The following CELF2 variants were observed in gnomAD, a reference collection of about 807,000 sequenced individuals.
CELF2 encodes the protein CUG triplet repeat RNA-binding protein 2.
Under a neutral mutation model 62.6 loss-of-function variants are expected in CELF2, and 8 were observed. The observed-to-expected ratio is 0.13, with a 90% CI of 0.07 to 0.23. CELF2 has a LOEUF of 0.23. Among genes scored for constraint, CELF2 ranks in the 10% least tolerant of loss-of-function variants. CELF2 has a pLI of 1.00. For synonymous variants in CELF2, 258 were observed against 250.0 expected, an observed-to-expected ratio of 1.03 and a Z score of -0.30; for missense variants, 333 against 671.0, an observed-to-expected ratio of 0.50 and a Z score of 5.56.
At chr10:11,066,001 C>G (rs780333599) in intron 1 of CELF2, among the ~76,000 whole-genome samples, 3 of 152,168 alleles carry the variant, frequency 2.0e-5, no homozygotes, top group Non-Finnish European at 4.4e-5. Context: ...GTGCCCCATA[C>G]AGCAGGAATG....
At chr10:10,773,055 G>C in the CELF2 span, among the ~76,000 whole-genome samples, 6 of 152,148 alleles carry the variant, frequency 3.9e-5, no homozygotes, top group East Asian at 1.2e-3. Context: ...AATTTAAACT[G>C]CCTGACATGC....
chr10:11,198,986 A>AT (rs1436548773), intron 2 of CELF2, among the ~76,000 whole-genome samples: 3 of 152,214 alleles, frequency 2.0e-5, no homozygotes, highest in Admixed American at 6.5e-5. Flanking sequence ...AATGGATTTT[A>AT]TTGCAGGGCA....
At chr10:11,065,813 A>G (rs574817909) in intron 1 of CELF2, among the ~76,000 whole-genome samples, 253 of 152,276 alleles carry the variant, frequency 1.7e-3, no homozygotes, top group African/African-American at 5.6e-3. Flanking sequence ...GAGCAGGGCA[A>G]GGAGAACTAG....
At chr10:10,648,724 T>C in the CELF2 span, among the ~76,000 whole-genome samples, 1 of 152,332 alleles carries the variant, frequency 6.6e-6, no homozygotes, top group African/African-American at 2.4e-5. Flanking sequence ...TTTGGTAATT[T>C]TGTTTCTTAA....
the CELF2 span, among the ~76,000 whole-genome samples, chr10:10,530,596 A>G: frequency 6.6e-6 from 1 of 152,184 alleles, no homozygotes; most frequent in Non-Finnish European, 1.5e-5. Flanking sequence ...ACAAATATAC[A>G]CATACAATCC....
chr10:11,294,646 C>T (rs1017826759), intron 9 of CELF2, among the ~76,000 whole-genome samples: 6 of 152,246 alleles, frequency 3.9e-5, no homozygotes, highest in Non-Finnish European at 8.8e-5. Flanking sequence ...GGCGCAGTGG[C>T]TCACGCCTGT....
chr10:10,827,044 A>G (rs947199412), intron 1 of CELF2, among the ~76,000 whole-genome samples: 9 of 152,214 alleles, frequency 5.9e-5, no homozygotes, highest in African/African-American at 2.2e-4. Context: ...GAATTAATCA[A>G]GTAGGACTAA....
At chr10:11,072,468 G>T (rs1005414159) in intron 1 of CELF2, among the ~76,000 whole-genome samples, 3 of 152,204 alleles carry the variant, frequency 2.0e-5, no homozygotes, top group African/African-American at 7.2e-5. Flanking sequence ...TCTACAGTCA[G>T]TGCTCACTTT....
At chr10:10,814,192 G>A (rs1350407820) in intron 1 of CELF2, among the ~76,000 whole-genome samples, 1 of 99,320 alleles carries the variant, frequency 1.0e-5, no homozygotes, top group Non-Finnish European at 1.9e-5. Flanking sequence ...ACAAGAGAAG[G>A]AAGAAAGGGA....
At chr10:11,251,515 C>T (rs919932435) in intron 4 of CELF2, among the ~76,000 whole-genome samples, 1 of 151,896 alleles carries the variant, frequency 6.6e-6, no homozygotes, top group Non-Finnish European at 1.5e-5. Flanking sequence ...GACCGGGCAC[C>T]GTTATTTCTA....
chr10:11,236,589 T>C (rs1001647992), intron 3 of CELF2, among the ~76,000 whole-genome samples: 1 of 152,228 alleles, frequency 6.6e-6, no homozygotes, highest in Non-Finnish European at 1.5e-5. Flanking sequence ...AAGTGGAACT[T>C]CTTGGACCTT....
the CELF2 span, among the ~76,000 whole-genome samples, chr10:10,530,668 T>C: frequency 1.3e-5 from 2 of 152,230 alleles, no homozygotes; most frequent in East Asian, 3.8e-4. Flanking sequence ...GCGGAAATTA[T>C]TCTGAGTTAA....
chr10:11,119,871 C>CT (rs902198430), intron 1 of CELF2, among the ~76,000 whole-genome samples: 1 of 135,018 alleles, frequency 7.4e-6, no homozygotes, highest in Non-Finnish European at 1.7e-5. Flanking sequence ...GCCTCCCCCC[C>CT]CCCGGCCCCC....
chr10:11,224,621 A>T lies in CELF2; in HGVS notation c.354+7114A>T, dbSNP rs543379868. The stretch of plus-strand genomic sequence containing the variant: ...CAAATGATGAAAGGAGAAGTTTGAT[A>T]TACACCTAGAAAATTGTCCAAATTC... On this transcript the variant is annotated intron_variant, in intron 3 of 12. Coordinates refer to ENST00000633077, the MANE Select transcript of CELF2 (RefSeq NM_001326342.2). This position sits in a 1 kb window ranked among gnomAD's most constrained non-coding sequence, Gnocchi z 4.5. 2.0e-5 allele frequency among the ~76,000 whole-genome samples: 3 copies of T among 152,202 alleles called. No homozygotes were observed. Among genetic ancestry groups the T allele is most frequent in the African/African-American group, 7.2e-5 (3 of 41,442 alleles).
At chr10:11,326,415 G>A (rs954243070) in intron 12 of CELF2, among the ~76,000 whole-genome samples, 6 of 152,198 alleles carry the variant, frequency 3.9e-5, no homozygotes, top group Admixed American at 3.3e-4. Context: ...GCAGCTCCAC[G>A]TGCCCGGGAT....
rs1296386037 is a variant in CELF2, at chr10:11,273,214, C to G, written c.778-1843C>G. Among the ~76,000 whole-genome samples the G allele has an allele frequency of 2.0e-5, 3 of 152,044 alleles. No individual in the cohort carries two copies. The East Asian group carries it at 5.8e-4, about 29-fold the overall frequency. On this transcript the variant is annotated intron_variant, in intron 7 of 12. Coordinates refer to ENST00000633077, the MANE Select transcript of CELF2 (RefSeq NM_001326342.2). ...TTTCAGTCAGCCAAGGGTCCCCAAC[C>G]CCTGGGCTGGGTACCAGTACCGGTC... is the stretch of plus-strand genomic sequence containing the variant.
At chr10:10,944,620 GTGA>G (rs1328078339) in intron 2 of CELF2, among the ~76,000 whole-genome samples, 77 of 149,580 alleles carry the variant, frequency 5.1e-4, no homozygotes, top group Non-Finnish European at 6.5e-4. Context: ...GTTTTTTTTT[GTGA>G]CAGAGTCTCA....
At chr10:11,171,742 T>C (rs946185818) in intron 2 of CELF2, among the ~76,000 whole-genome samples, 2 of 152,174 alleles carry the variant, frequency 1.3e-5, no homozygotes, top group African/African-American at 4.8e-5. Flanking sequence ...GTAGAAATAA[T>C]ACCCACTTCA....
At chr10:10,734,180 G>A in the CELF2 span, among the ~76,000 whole-genome samples, 23,428 of 151,854 alleles carry the variant, frequency 0.15, 1,942 homozygotes, top group Non-Finnish European at 0.18. Context: ...AGGTAATTCG[G>A]CCTTCCAGAA....
Sources: allele counts gnomAD v4.1 joint callset (sites outside exome capture counted in the v4.1 genomes callset), GRCh38; gene constraint gnomAD v4.1.1; non-coding constraint Gnocchi (gnomAD v3.1); transcripts MANE v1.5; gene names NCBI Gene and HGNC (gene_info 2026-07-23, HGNC 2026-07-21).